Variants in UBR4 observed in about 807,000 individuals in gnomAD.
UBR4 encodes ubiquitin protein ligase E3 component n-recognin 4.
A neutral mutation model predicts 575.6 loss-of-function variants in UBR4; 124 were observed. The observed-to-expected ratio is 0.22, with a 90% CI of 0.19 to 0.25. UBR4 has a LOEUF of 0.25. UBR4 is among the 10% of genes least tolerant of loss of function. The pLI is 1.00. For missense variants in UBR4, 4,818 were observed against 6,478.8 expected (o/e 0.74, Z 8.80); for synonymous variants, 2,455 against 2,473.7 (o/e 0.99, Z 0.22).
At chr1:19,114,667 CT>C in intron 75 of UBR4, 143 bp downstream of exon 75, 1 of 1,028,264 alleles carries the variant, frequency 9.7e-7, no homozygotes, top group South Asian at 1.7e-5. Flanking sequence ...CCATTCTTTG[CT>C]CCCACCCAAA....
chr1:19,078,285 C>A (rs2076155110), intron 103 of UBR4: 3 of 498,920 alleles, frequency 6.0e-6, no homozygotes, highest in South Asian at 4.4e-5. Context: ...CCATGAAATT[C>A]ATCTGATTCT....
rs370942812 is a variant in UBR4, at chr1:19,093,002, C to A, written c.14112-84G>T. On this transcript the variant is annotated intron_variant, in intron 96 of 105. Coordinates refer to ENST00000375254, the MANE Select transcript of UBR4 (RefSeq NM_020765.3). The surrounding 1 kb of genome is among the most constrained non-coding windows in gnomAD (Gnocchi z 4.8). ...AGTTGTTGACTCTGGCTTGTTTAAACCCCCAGGGCATGATTAACCGTGACC... is the reference window on the plus strand; with the variant it reads ...AGTTGTTGACTCTGGCTTGTTTAAAACCCCAGGGCATGATTAACCGTGACC... The A allele has an allele frequency of 8.8e-6, 11 of 1,251,744 alleles. No homozygotes were observed. In the African/African-American group the frequency reaches 1.2e-4, roughly 13 times the overall value. 77.5% of individuals were successfully genotyped at this position (1,251,744 alleles called of 1,614,324 possible). A position where few individuals can be genotyped will look rare whatever the true frequency, so the allele number is the denominator to read the frequency against.
At chr1:19,173,870 C>A (rs1042326299) in intron 22 of UBR4, among the ~76,000 whole-genome samples, 1 of 152,196 alleles carries the variant, frequency 6.6e-6, no homozygotes, top group Non-Finnish European at 1.5e-5. Flanking sequence ...AAGGCTATTC[C>A]AAGACAACTT....
chr1:19,145,942 G>T lies in UBR4; in HGVS notation c.7805-9C>A. 1 of 1,613,058 alleles carries T rather than the reference G, an allele frequency of 6.2e-7. No individual in the cohort carries two copies. The highest frequency in any genetic ancestry group is 8.5e-7 in the Non-Finnish European group (1 of 1,179,208). ...CCCTTCATCCATTCCTTCTAAGCAG[G>T]AGAAAGAAAATTATCAACGATGGTA... is the stretch of plus-strand genomic sequence containing the variant. On this transcript the variant is annotated splice_polypyrimidine_tract_variant and intron_variant, in intron 52 of 105. Coordinates refer to ENST00000375254, the MANE Select transcript of UBR4 (RefSeq NM_020765.3).
intron 17 of UBR4, among the ~76,000 whole-genome samples, chr1:19,182,628 C>T (rs1014574474): frequency 1.3e-5 from 2 of 152,212 alleles, no homozygotes; most frequent in Non-Finnish European, 2.9e-5. Context: ...TCCTCACCAA[C>T]ACTTACTTTC....
chr1:19,113,583 G>A, intron 77 of UBR4, 116 bp downstream of exon 77: 2 of 1,490,550 alleles, frequency 1.3e-6, no homozygotes, highest in Admixed American at 1.9e-5. Flanking sequence ...AGCTAGATTG[G>A]GCAGGGACAA....
At chr1:19,156,523 C>CT (rs1361332601) in intron 41 of UBR4, 100 bp from the exon 42 acceptor site, 2 of 1,440,018 alleles carry the variant, frequency 1.4e-6, no homozygotes, top group Non-Finnish European at 1.9e-6. Context: ...CTAATATCCC[C>CT]TGCCTTCAGA....
chr1:19,086,045 A>C, intron 101 of UBR4, 100 bp downstream of exon 101: 1 of 1,468,260 alleles, frequency 6.8e-7, no homozygotes, highest in South Asian at 1.3e-5. Context: ...CAAGGAAGGT[A>C]ACAGGAAATG....
intron 26 of UBR4, 48 bp downstream of exon 26, chr1:19,170,714 T>C (rs1294572417): frequency 1.9e-6 from 3 of 1,613,380 alleles, no homozygotes; most frequent in South Asian, 1.1e-5. Context: ...GTACTAGCAG[T>C]AGTAGCTGTT....
chr1:19,103,251 C>T (rs1251313560), intron 87 of UBR4, among the ~76,000 whole-genome samples: 3 of 152,144 alleles, frequency 2.0e-5, no homozygotes, highest in African/African-American at 7.2e-5. Context: ...GTTTAATATG[C>T]TTATAGATCA....
At position 19,174,946 on chromosome 1, in the gene UBR4, C is replaced by T. The variant is rs1440919600; in HGVS notation, c.2853+8G>A. On this transcript the variant is annotated splice_region_variant and intron_variant, in intron 21 of 105. Transcript: ENST00000375254. ...ACATATAAAATGCAGTTTTAAAATT[C>T]CTAGTACCACAGAATCAAGTCGGTT... is the stretch of plus-strand genomic sequence containing the variant. 1.9e-6 allele frequency: 3 copies of T among 1,612,806 alleles called. No individual in the cohort carries two copies. The highest frequency in any genetic ancestry group is 1.7e-6 in the Non-Finnish European group (2 of 1,179,124).
chr1:19,127,588 C>A (rs779384134), intron 63 of UBR4, 35 bp downstream of exon 63: 3 of 1,568,690 alleles, frequency 1.9e-6, no homozygotes, highest in Non-Finnish European at 2.6e-6. Flanking sequence ...ATCCGCTTAC[C>A]TTTCCCCAAA....
At position 19,155,426 on chromosome 1, in the gene UBR4, A is replaced by G; in HGVS notation, c.6300+15T>C. 1 of 1,606,898 alleles carries G rather than the reference A, an allele frequency of 6.2e-7. No homozygotes were observed. The highest frequency in any genetic ancestry group is 8.5e-7 in the Non-Finnish European group (1 of 1,175,914). Reference sequence around the variant, plus strand: ...TAAATCCGGAATAGAAGGAAATAGCAACATGTGCTCTAACCTTCAGGTCCT... The same window carrying G: ...TAAATCCGGAATAGAAGGAAATAGCGACATGTGCTCTAACCTTCAGGTCCT... On this transcript the variant is annotated intron_variant, in intron 43 of 105. Coordinates refer to ENST00000375254, the MANE Select transcript of UBR4 (RefSeq NM_020765.3).
chr1:19,199,819 G>GT, intron 2 of UBR4, 65 bp from the exon 3 acceptor site: 2 of 1,430,064 alleles, frequency 1.4e-6, no homozygotes, highest in South Asian at 2.3e-5. Flanking sequence ...ATTAAGCAAA[G>GT]TAAGTATTGA....
At chr1:19,091,436 G>T (rs1005892664) in intron 97 of UBR4, among the ~76,000 whole-genome samples, 19 of 152,194 alleles carry the variant, frequency 1.2e-4, no homozygotes, top group African/African-American at 4.6e-4. Context: ...TTTCAATGCA[G>T]AACACTACAA....
At chr1:19,091,430 A>G (rs2077502102) in intron 97 of UBR4, among the ~76,000 whole-genome samples, 1 of 152,228 alleles carries the variant, frequency 6.6e-6, no homozygotes, top group Non-Finnish European at 1.5e-5. Flanking sequence ...AACTATTTTC[A>G]ATGCAGAACA....
intron 2 of UBR4, among the ~76,000 whole-genome samples, chr1:19,200,256 G>C (rs959806987): frequency 1.3e-5 from 2 of 148,726 alleles, no homozygotes; most frequent in African/African-American, 4.9e-5. Flanking sequence ...AGTAACAATA[G>C]CTGATGAGCT....
intron 9 of UBR4, among the ~76,000 whole-genome samples, chr1:19,192,941 C>A (rs538333566): frequency 1.3e-5 from 2 of 152,272 alleles, no homozygotes; most frequent in South Asian, 4.1e-4. Flanking sequence ...CACCACCACA[C>A]CCAGCTAATT....
chr1:19,156,731 A>G (rs761731941), intron 41 of UBR4, 36 bp downstream of exon 41: 1 of 1,590,648 alleles, frequency 6.3e-7, no homozygotes, highest in Non-Finnish European at 8.6e-7. Flanking sequence ...TAGAATCCAC[A>G]GCTCAAGGCA....
Sources: gnomAD v4.1 joint callset for allele counts (sites outside exome capture counted in the v4.1 genomes callset) on GRCh38, gnomAD v4.1.1 for gene constraint, Gnocchi (gnomAD v3.1) non-coding constraint, MANE v1.5 for transcripts, NCBI Gene and HGNC (gene_info 2026-07-23, HGNC 2026-07-21) for gene names.